The following FILIP1 variants were observed in gnomAD, a reference collection of about 807,000 sequenced individuals.
FILIP1 encodes the protein filamin-A-interacting protein 1.
In FILIP1, 61 loss-of-function variants were observed where a neutral mutation model predicts 102.1. The observed-to-expected ratio is 0.60, with a 90% CI of 0.49 to 0.74. The LOEUF is 0.74. Among genes scored for constraint, FILIP1 ranks in the 30% least tolerant of loss-of-function variants. The probability of loss-of-function intolerance (pLI) is 0.00; values close to 1 mark genes in which losing one functional copy is unlikely to be tolerated. For missense variants in FILIP1, 1,314 were observed against 1,441.2 expected (o/e 0.91, Z 1.43); for synonymous variants, 491 against 526.9 (o/e 0.93, Z 0.93).
In FILIP1 at chr6:75,339,810, C is replaced by T. The variant is rs1182922895; in HGVS notation, c.629+13729G>A. Among the ~76,000 whole-genome samples the T allele has an allele frequency of 3.3e-5, 5 of 152,020 alleles. No homozygotes were observed. The East Asian group carries it at 7.8e-4, about 24-fold the overall frequency. On this transcript the variant is annotated intron_variant, in intron 4 of 5. Coordinates refer to ENST00000237172, the MANE Select transcript of FILIP1 (RefSeq NM_015687.5). ...TAAAAATACACCATTTAGCCAGGCA[C>T]GGTGGTGGGCACCTGTAGTTCCAGG... is the stretch of plus-strand genomic sequence containing the variant.
chr6:75,388,843 C>G (rs1776186604), intron 2 of FILIP1, among the ~76,000 whole-genome samples: 1 of 152,152 alleles, frequency 6.6e-6, no homozygotes, highest in South Asian at 2.1e-4. Flanking sequence ...TCCTCTCTTC[C>G]TATTTGAATA....
At chr6:75,479,174 C>A (rs181106144) in intron 1 of FILIP1, among the ~76,000 whole-genome samples, 1 of 152,240 alleles carries the variant, frequency 6.6e-6, no homozygotes, top group Admixed American at 6.5e-5. Flanking sequence ...GTCTCTAGGT[C>A]TGCCAAATTT....
intron 1 of FILIP1, among the ~76,000 whole-genome samples, chr6:75,452,371 T>A (rs537891552): frequency 6.6e-6 from 1 of 152,254 alleles, no homozygotes; most frequent in African/African-American, 2.4e-5. Context: ...TGGTTTTTTG[T>A]CCTTGCGATA....
intron 1 of FILIP1, among the ~76,000 whole-genome samples, chr6:75,441,468 C>G (rs952292334): frequency 5.0e-4 from 76 of 152,202 alleles, no homozygotes; most frequent in Non-Finnish European, 1.0e-3. Flanking sequence ...CCATTGTCAT[C>G]ATGGCCCGTT....
chr6:75,425,367 C>T (rs1777594655), intron 1 of FILIP1, among the ~76,000 whole-genome samples: 1 of 152,158 alleles, frequency 6.6e-6, no homozygotes, highest in African/African-American at 2.4e-5. Flanking sequence ...TCTAAAATGT[C>T]ATGCCACAAT....
At chr6:75,462,921 G>C (rs1779065821) in intron 1 of FILIP1, among the ~76,000 whole-genome samples, 1 of 152,178 alleles carries the variant, frequency 6.6e-6, no homozygotes. Context: ...GAAAGTCTGG[G>C]ATAGGGGAAT....
intron 1 of FILIP1, chr6:75,454,113 G>C: frequency 2.3e-6 from 1 of 432,718 alleles, no homozygotes; most frequent in Admixed American, 2.5e-5. Flanking sequence ...AGGTGTTTCA[G>C]GGATGCGTTC....
At chr6:75,369,301 A>G (rs530107561) in intron 2 of FILIP1, among the ~76,000 whole-genome samples, 1 of 152,328 alleles carries the variant, frequency 6.6e-6, no homozygotes, top group Admixed American at 6.5e-5. Context: ...AGGGAAGCTG[A>G]GTCCTGTGAA....
intron 3 of FILIP1, among the ~76,000 whole-genome samples, chr6:75,359,988 T>C (rs562596336): frequency 6.6e-6 from 1 of 152,262 alleles, no homozygotes; most frequent in East Asian, 1.9e-4. Context: ...CCCTAGACTT[T>C]ACGAAAAGAC....
chr6:75,382,381 CACAGCTTTGT>C (rs1246747076), intron 2 of FILIP1, among the ~76,000 whole-genome samples: 1 of 152,156 alleles, frequency 6.6e-6, no homozygotes, highest in East Asian at 1.9e-4. Context: ...TTCCTGCACT[CACAGCTTTGT>C]TCTGCTTTAT....
At chr6:75,373,140 G>A (rs1178644085) in intron 2 of FILIP1, among the ~76,000 whole-genome samples, 6 of 152,180 alleles carry the variant, frequency 3.9e-5, no homozygotes, top group Non-Finnish European at 7.3e-5. Flanking sequence ...CATAAGATTG[G>A]TGAATCTTGA....
intron 4 of FILIP1, among the ~76,000 whole-genome samples, chr6:75,324,743 T>A (rs1464197376): frequency 6.6e-6 from 1 of 152,198 alleles, no homozygotes; most frequent in Non-Finnish European, 1.5e-5. Context: ...AATAAGCATG[T>A]AGACCAATGG....
chr6:75,333,048 A>G (rs1456424424), intron 4 of FILIP1, among the ~76,000 whole-genome samples: 1 of 152,228 alleles, frequency 6.6e-6, no homozygotes, highest in African/African-American at 2.4e-5. Flanking sequence ...CCATTTTCAC[A>G]AATAAAATTT....
At chr6:75,332,841 C>A (rs954901755) in intron 4 of FILIP1, among the ~76,000 whole-genome samples, 1 of 152,168 alleles carries the variant, frequency 6.6e-6, no homozygotes, top group African/African-American at 2.4e-5. Context: ...ATGAGGTTTT[C>A]TGAGACTAGT....
chr6:75,439,662 AT>A (rs1455098930), intron 1 of FILIP1, among the ~76,000 whole-genome samples: 2 of 152,334 alleles, frequency 1.3e-5, no homozygotes, highest in East Asian at 3.9e-4. Context: ...AGTTAGAAAT[AT>A]TTATGTACCA....
intron 1 of FILIP1, among the ~76,000 whole-genome samples, chr6:75,429,480 C>T (rs906452898): frequency 3.3e-5 from 5 of 152,170 alleles, no homozygotes; most frequent in African/African-American, 1.2e-4. Flanking sequence ...CTCAGGATGC[C>T]TCTATAGGCA....
chr6:75,481,554 G>A (rs1779650598), intron 1 of FILIP1, among the ~76,000 whole-genome samples: 1 of 152,136 alleles, frequency 6.6e-6, no homozygotes, highest in African/African-American at 2.4e-5. Context: ...CCCTGCCTGT[G>A]TCAGAATGCA....
At position 75,315,015 on chromosome 6, in the gene FILIP1, G is replaced by A; in HGVS notation, c.817C>T (p.Gln273Ter). The A allele has an allele frequency of 6.2e-7, 1 of 1,614,032 alleles. No homozygotes were observed. Among genetic ancestry groups the A allele is most frequent in the Non-Finnish European group, 8.5e-7 (1 of 1,180,000 alleles). The change falls in exon 5 of 6, where the codon CAG becomes TAG. Residue 273 changes from glutamine (Q) to a stop codon, truncating the protein, a stop_gained. Coordinates refer to ENST00000237172, the MANE Select transcript of FILIP1 (RefSeq NM_015687.5). LOFTEE classifies it high-confidence loss of function. ...TTCTCTTCTTCTTCCCTCAGCTTCT[G>A]AGTAAGATCCTGTACTTTCTGGCTT... ...LQSQKVQDLT[Q>*]KLREEEEKLK...
chr6:75,421,861 C>T (rs1235027719), intron 1 of FILIP1, among the ~76,000 whole-genome samples: 4 of 152,098 alleles, frequency 2.6e-5, no homozygotes, highest in East Asian at 1.9e-4. Context: ...CAGAGTCACA[C>T]GGCTGATCAA....
Sources: gnomAD v4.1 joint callset for allele counts (sites outside exome capture counted in the v4.1 genomes callset) on GRCh38, gnomAD v4.1.1 for gene constraint, MANE v1.5 for transcripts, NCBI Gene and HGNC (gene_info 2026-07-23, HGNC 2026-07-21) for gene names.